Variants in KRT77 observed in about 807,000 individuals in gnomAD.
KRT77 encodes the protein keratin 77, also known as keratin, type II cytoskeletal 1b.
In KRT77, 44 loss-of-function variants were observed where a neutral mutation model predicts 51.5. The ratio of observed to expected loss-of-function variants is 0.85; its 90% confidence interval spans 0.67 to 1.10. The LOEUF is 1.10. Among genes scored for constraint, KRT77 ranks in the 50% least tolerant of loss-of-function variants. KRT77 has a pLI of 0.00. For missense variants in KRT77, 763 were observed against 743.9 expected (o/e 1.03, Z -0.30); for synonymous variants, 293 against 302.0 (o/e 0.97, Z 0.31).
At position 52,697,842 on chromosome 12, in the gene KRT77, G is replaced by T; in HGVS notation, c.598C>A (p.Gln200Lys). The change falls in exon 2 of 9, where the codon CAG (glutamine) becomes AAG (lysine). Residue 200 changes from glutamine to lysine, a missense_variant. Transcript: ENST00000341809. ...QVLQTKWELL[Q>K]QVNTSTGTNN... ...GTTCCAGTTGAGGTGTTCACCTGCT[G>T]CAGCAACTCCCATTTTGTTTGTAGC... 1 of 1,614,122 alleles carries T rather than the reference G, an allele frequency of 6.2e-7. No homozygotes were observed. The highest frequency in any genetic ancestry group is 8.5e-7 in the Non-Finnish European group (1 of 1,179,992).
At chr12:52,700,592 G>C (rs1299460045) in intron 1 of KRT77, among the ~76,000 whole-genome samples, 1 of 152,176 alleles carries the variant, frequency 6.6e-6, no homozygotes, top group Admixed American at 6.5e-5. Flanking sequence ...GGCACAGGAG[G>C]CTGCAGACAA....
At chr12:52,701,297 C>T (rs1456228719) in intron 1 of KRT77, among the ~76,000 whole-genome samples, 1 of 152,260 alleles carries the variant, frequency 6.6e-6, no homozygotes. Flanking sequence ...AGCCAAATTT[C>T]CCACGCAGCA....
At position 52,690,571 on chromosome 12, in the gene KRT77, G is replaced by A. The variant is rs1446484954; in HGVS notation, c.*594C>T. 2 of 158,230 alleles carry A rather than the reference G, an allele frequency of 1.3e-5. No individual in the cohort carries two copies. Among genetic ancestry groups the A allele is most frequent in the Non-Finnish European group, 2.8e-5 (2 of 71,596 alleles). The allele number at this position is 158,230 out of a possible 1,614,324, so 9.8% of individuals were successfully genotyped here. On this transcript the variant is annotated 3_prime_UTR_variant, in exon 9 of 9. Coordinates refer to ENST00000341809, the MANE Select transcript of KRT77 (RefSeq NM_175078.3). ...ATTATGTGGTCCCCAGCAGGGCAGG[G>A]GGGCGTGGATTCTTGTTCACAGAGC...
rs143791907 is a variant in KRT77 at position 52,703,179 on chromosome 12, C to T, written c.256G>A (p.Gly86Arg). Residue 86 changes from glycine (G) to arginine (R), a missense_variant, in exon 1 of 9, where the codon GGG becomes AGG. Physicochemically the swap from Gly to Arg is moderately radical, Grantham distance 125. Coordinates refer to ENST00000341809, the MANE Select transcript of KRT77 (RefSeq NM_175078.3). ...CCCCCTCCAAATCCCCCTACTCCCC[C>T]ACCCTGGCAGAAACCACTGGTGCTC... Reference protein sequence around the residue: ...GRSTSGFCQGGGVGGFGGGRG... With the variant: ...GRSTSGFCQGRGVGGFGGGRG... The T allele has an allele frequency of 1.2e-6, 2 of 1,612,588 alleles. No individual in the cohort carries two copies. The highest frequency in any genetic ancestry group is 1.7e-5 in the Admixed American group (1 of 59,866).
In KRT77 at chr12:52,697,772, C is replaced by T. The variant is rs200157774; in HGVS notation, c.668G>A (p.Arg223Gln). The T allele has an allele frequency of 1.6e-4, 265 of 1,613,860 alleles. No homozygotes were observed. Among genetic ancestry groups the T allele is most frequent in the Middle Eastern group, 6.6e-4 (4 of 6,080 alleles). ...PLLENYIGDLRRQVDLLSAEQ... is the reference protein window; with the variant it reads ...PLLENYIGDLQRQVDLLSAEQ... ...CGCACTGAGCAAATCCACCTGCCTC[C>T]GCAGGTCACCGATGTAGTTCTCCAA... Residue 223 changes from arginine (R) to glutamine (Q), a missense_variant, in exon 2 of 9, where the codon CGG (arginine) becomes CAG (glutamine). By Grantham distance (43) the Arg-to-Gln change is conservative. Transcript: ENST00000341809.
chr12:52,692,505 T>A lies in KRT77; in HGVS notation c.1343A>T (p.Asp448Val). The A allele has an allele frequency of 6.2e-7, 1 of 1,614,024 alleles. No homozygotes were observed. The highest frequency in any genetic ancestry group is 8.5e-7 in the Non-Finnish European group (1 of 1,179,982). The part of the protein sequence containing the change: ...SKEELARLLR[D>V]YQAMLGVKLS... ...CTTGACCCCCAGCATGGCCTGGTAG[T>A]CACGCAGCAGCCGGGCCAGCTCCTC... The change falls in exon 7 of 9, where the codon GAC becomes GTC. Residue 448 changes from aspartate (D) to valine (V), a missense_variant. Physicochemically the swap from Asp to Val is radical, Grantham distance 152. Coordinates refer to ENST00000341809, the MANE Select transcript of KRT77 (RefSeq NM_175078.3).
rs768407678 is a variant in KRT77 at position 52,697,705 on chromosome 12, A to T, written c.735T>A (p.Asp245Glu). The T allele has an allele frequency of 4.3e-6, 7 of 1,613,394 alleles. No homozygotes were observed. In the South Asian group the frequency reaches 6.6e-5, roughly 15 times the overall value. Residue 245 changes from aspartate to glutamate, a missense_variant, in exon 2 of 9, where the codon GAT (aspartate) becomes GAA (glutamate). By Grantham distance (45) the Asp-to-Glu change is conservative (BLOSUM62 2). Coordinates refer to ENST00000341809, the MANE Select transcript of KRT77 (RefSeq NM_175078.3). ...ACTTGCTCTTGTAGTCCTCCACGAC[A>T]TCCTGCATGCTCCTGACCTCCGCGT... ...RQNAEVRSMQ[D>E]VVEDYKSKYE...
At chr12:52,700,185 T>A (rs1941865772) in intron 1 of KRT77, among the ~76,000 whole-genome samples, 1 of 152,242 alleles carries the variant, frequency 6.6e-6, no homozygotes, top group Non-Finnish European at 1.5e-5. Flanking sequence ...CCGGTTTCTA[T>A]TTATTGAGCA....
chr12:52,702,776 T>C lies in KRT77; in HGVS notation c.543+116A>G. The C allele has an allele frequency of 6.7e-6, 7 of 1,048,954 alleles. No individual in the cohort carries two copies. In the South Asian group the frequency reaches 1.1e-4, roughly 17 times the overall value. The allele number at this position is 1,048,954 out of a possible 1,614,324, so 65.0% of individuals were successfully genotyped here. Reference sequence around the variant, plus strand: ...TTGAAGCCCAAATGGGTAAATGATTTTCTAAGGTCCCAGGTCAAGCTGAAA... The same window carrying C: ...TTGAAGCCCAAATGGGTAAATGATTCTCTAAGGTCCCAGGTCAAGCTGAAA... On this transcript the variant is annotated intron_variant, in intron 1 of 8. Coordinates refer to ENST00000341809, the MANE Select transcript of KRT77 (RefSeq NM_175078.3).
At chr12:52,698,784 C>A (rs1941839486) in intron 1 of KRT77, among the ~76,000 whole-genome samples, 1 of 152,238 alleles carries the variant, frequency 6.6e-6, no homozygotes, top group African/African-American at 2.4e-5. Flanking sequence ...AGTGATGCTG[C>A]CTCCAGACTT....
At chr12:52,699,247 A>C (rs965599970) in intron 1 of KRT77, among the ~76,000 whole-genome samples, 7 of 152,094 alleles carry the variant, frequency 4.6e-5, no homozygotes, top group African/African-American at 1.7e-4. Context: ...TGGCAGTGGC[A>C]TTGTGGGGAC....
chr12:52,697,946 C>A (rs12426129), intron 1 of KRT77, 50 bp from the exon 2 acceptor site: 4 of 1,559,242 alleles, frequency 2.6e-6, no homozygotes, highest in African/African-American at 1.4e-5. Context: ...CAGAGCAGCT[C>A]CCCCATAAGT....
In KRT77 at chr12:52,690,267, C is replaced by T. The variant is rs1941685174; in HGVS notation, c.*898G>A. The T allele has an allele frequency of 6.6e-6, 1 of 152,236 alleles. No individual in the cohort carries two copies. The highest frequency in any genetic ancestry group is 2.1e-4 in the South Asian group (1 of 4,830). The allele number at this position is 152,236 out of a possible 1,614,324, so 9.4% of individuals were successfully genotyped here. A position where few individuals can be genotyped will look rare whatever the true frequency, so the allele number is the denominator to read the frequency against. Reference sequence around the variant, plus strand: ...TGTTCATCAACTCCTGCATCCACTGCTAAAACAGGCTTCCTTTGGGTAAGG... The same window carrying T: ...TGTTCATCAACTCCTGCATCCACTGTTAAAACAGGCTTCCTTTGGGTAAGG... On this transcript the variant is annotated 3_prime_UTR_variant, in exon 9 of 9. Coordinates refer to ENST00000341809, the MANE Select transcript of KRT77 (RefSeq NM_175078.3).
rs1309601274 is a variant in KRT77 at position 52,691,976 on chromosome 12, T to C, written c.1428-4A>G. 1 of 1,613,956 alleles carries C rather than the reference T, an allele frequency of 6.2e-7. No homozygotes were observed. Among genetic ancestry groups the C allele is most frequent in the Non-Finnish European group, 8.5e-7 (1 of 1,180,034 alleles). On this transcript the variant is annotated splice_polypyrimidine_tract_variant and splice_region_variant and intron_variant, in intron 7 of 8. Transcript: ENST00000341809. ...GCTCTGCAGCTCTCCTGACATCCTGTAAAACCAAAGCACACGGTCAGCCAG... is the reference window on the plus strand; with the variant it reads ...GCTCTGCAGCTCTCCTGACATCCTGCAAAACCAAAGCACACGGTCAGCCAG...
At chr12:52,696,943 AC>A (rs1460291959) in intron 2 of KRT77, among the ~76,000 whole-genome samples, 1 of 152,104 alleles carries the variant, frequency 6.6e-6, no homozygotes, top group African/African-American at 2.4e-5. Flanking sequence ...GGAGAGAAGC[AC>A]CCTGCACCCC....
Position 52,703,340 on chromosome 12 carries a change from G to A in KRT77, c.95C>T (p.Pro32Leu), listed in dbSNP as rs529887183. ...SSSAGSGGGS[P>L]AVGSVCYARG... Reference sequence around the variant, plus strand: ...AGCATAACACACAGAACCCACTGCCGGACTCCCACCACCAGAGCCTGCAGA... The same window carrying A: ...AGCATAACACACAGAACCCACTGCCAGACTCCCACCACCAGAGCCTGCAGA... Residue 32 changes from proline (P) to leucine (L), a missense_variant, in exon 1 of 9, where the codon CCG (proline) becomes CTG (leucine). By Grantham distance (98) the Pro-to-Leu change is moderately conservative. Coordinates refer to ENST00000341809, the MANE Select transcript of KRT77 (RefSeq NM_175078.3). 75 of 1,613,942 alleles carry A rather than the reference G, an allele frequency of 4.6e-5. No homozygotes were observed. The East Asian group carries it at 5.3e-4, about 12-fold the overall frequency.
Position 52,703,132 on chromosome 12 carries a change from G to C in KRT77, c.303C>G (p.Ser101Arg), listed in dbSNP as rs773875276. Residue 101 changes from serine to arginine, a missense_variant, in exon 1 of 9, where the codon AGC becomes AGG. Physicochemically the swap from Ser to Arg is moderately radical, Grantham distance 110 (BLOSUM62 -1). Transcript: ENST00000341809. The part of the protein sequence containing the change: ...FGGGRGFGVG[S>R]TGAGGFGGGG... ...CTCCTCCAAAGCCACCAGCCCCGGT[G>C]CTGCCAACCCCAAAGCCTCTGCCCC... 2 of 1,610,876 alleles carry C rather than the reference G, an allele frequency of 1.2e-6. No homozygotes were observed. The highest frequency in any genetic ancestry group is 2.7e-5 in the African/African-American group (2 of 74,570).
chr12:52,692,713 A>C (rs1242809930), intron 6 of KRT77, 42 bp downstream of exon 6: 2 of 1,600,134 alleles, frequency 1.2e-6, no homozygotes, highest in Admixed American at 3.4e-5. Context: ...GCATTGTAGG[A>C]GGTGCAGGGC....
At chr12:52,698,339 T>C (rs1941832097) in intron 1 of KRT77, 4 of 461,008 alleles carry the variant, frequency 8.7e-6, no homozygotes, top group African/African-American at 6.0e-5. Context: ...CTTAGAACAT[T>C]AAACTAATTC....
Sources: gnomAD v4.1 joint callset for allele counts (sites outside exome capture counted in the v4.1 genomes callset) on GRCh38, gnomAD v4.1.1 for gene constraint, MANE v1.5 for transcripts, NCBI Gene and HGNC (gene_info 2026-07-23, HGNC 2026-07-21) for gene names.